PTK2: variants seen among roughly 807,000 people sequenced by gnomAD.
PTK2 encodes the protein focal adhesion kinase 1.
A neutral mutation model predicts 150.1 loss-of-function variants in PTK2; 45 were observed. The observed-to-expected ratio is 0.30, with a 90% CI of 0.24 to 0.38. The LOEUF (loss-of-function observed/expected upper bound fraction) is 0.38. Ranked by LOEUF, PTK2 falls within the 10% of genes least tolerant of loss-of-function variation. The pLI, the probability that PTK2 is intolerant of heterozygous loss-of-function variation, is 1.00. For synonymous variants in PTK2, 432 were observed against 449.2 expected (o/e 0.96, Z 0.48); for missense variants, 919 against 1,307.3 (o/e 0.70, Z 4.58).
At chr8:140,726,267 G>A (rs945197368) in intron 22 of PTK2, among the ~76,000 whole-genome samples, 2 of 152,120 alleles carry the variant, frequency 1.3e-5, no homozygotes, top group African/African-American at 4.8e-5. Flanking sequence ...GACTCAGCCT[G>A]AAGGACACCA....
At chr8:140,782,326 C>A (rs1341552600) in intron 14 of PTK2, among the ~76,000 whole-genome samples, 2 of 150,368 alleles carry the variant, frequency 1.3e-5, no homozygotes, top group Non-Finnish European at 2.9e-5. Context: ...CTCACTGCAA[C>A]CTCCAAATCC....
intron 27 of PTK2, among the ~76,000 whole-genome samples, chr8:140,676,936 T>G (rs1589563193): frequency 1.4e-5 from 1 of 71,612 alleles, no homozygotes. Flanking sequence ...AGAGGGAGAC[T>G]CCATCTCAAA....
intron 14 of PTK2, chr8:140,771,443 A>G (rs1001999150): frequency 6.6e-5 from 10 of 152,244 alleles, no homozygotes; most frequent in African/African-American, 2.4e-4. Flanking sequence ...AGCATATAGC[A>G]AAATGAGAAA....
chr8:140,672,306 G>A, intron 29 of PTK2: 1 of 298,008 alleles, frequency 3.4e-6, no homozygotes, highest in South Asian at 2.7e-5. Flanking sequence ...TGGGACTATA[G>A]TCATAGAGGT....
intron 4 of PTK2, among the ~76,000 whole-genome samples, chr8:140,867,372 C>T (rs1266421501): frequency 2.0e-5 from 3 of 152,088 alleles, no homozygotes; most frequent in African/African-American, 4.8e-5. Context: ...CATAATCTTC[C>T]CTAGATCCCA....
rs1305489078 is a variant in PTK2, at chr8:140,926,462, A to G, written c.-121-713T>C. ...AAAGGGTAAATGAATCACAGTGAGG[A>G]CCAATGGGACAAAGAAAGGAAGAGA... On this transcript the variant is annotated intron_variant, in intron 1 of 31. Transcript: ENST00000522684. Among the ~76,000 whole-genome samples the G allele has an allele frequency of 2.6e-5, 4 of 152,288 alleles. No individual in the cohort carries two copies. The East Asian group carries it at 7.7e-4, about 29-fold the overall frequency.
intron 1 of PTK2, among the ~76,000 whole-genome samples, chr8:140,935,338 G>A (rs1271936230): frequency 1.3e-5 from 2 of 152,116 alleles, no homozygotes; most frequent in African/African-American, 4.8e-5. Flanking sequence ...ACAATTCACT[G>A]AAGGCAAGCA....
chr8:140,907,943 G>A (rs2100161641), intron 2 of PTK2, among the ~76,000 whole-genome samples: 3 of 152,038 alleles, frequency 2.0e-5, no homozygotes, highest in South Asian at 4.1e-4. Context: ...GCCTCTAAGC[G>A]TTCAAGTGAA....
chr8:140,944,557 G>A (rs2100177013), intron 1 of PTK2, among the ~76,000 whole-genome samples: 1 of 152,200 alleles, frequency 6.6e-6, no homozygotes, highest in South Asian at 2.1e-4. Flanking sequence ...CTGAGCTGCT[G>A]TAAAGAATTA....
intron 14 of PTK2, 53 bp downstream of exon 15, chr8:140,770,663 T>C: frequency 6.1e-6 from 6 of 976,284 alleles, no homozygotes; most frequent in Non-Finnish European, 8.3e-6. Flanking sequence ...AGAGTTAGTT[T>C]CTCTGGAGTG....
chr8:140,701,154 C>G (rs1020591699), intron 25 of PTK2, 132 bp from the exon 29 acceptor site: 41 of 1,037,618 alleles, frequency 4.0e-5, no homozygotes, highest in Middle Eastern at 2.2e-4. Context: ...TCATACTGTG[C>G]TTGTGGGAAT....
At chr8:140,831,711 C>T (rs2100115504) in intron 7 of PTK2, among the ~76,000 whole-genome samples, 1 of 152,138 alleles carries the variant, frequency 6.6e-6, no homozygotes, top group African/African-American at 2.4e-5. Context: ...TCTGGTTTTA[C>T]CCATCAGTTA....
chr8:140,957,465 G>A (rs2100181580), intron 1 of PTK2, among the ~76,000 whole-genome samples: 1 of 152,144 alleles, frequency 6.6e-6, no homozygotes, highest in African/African-American at 2.4e-5. Context: ...GTTATAGTAA[G>A]CTACGGTTAT....
intron 3 of PTK2, among the ~76,000 whole-genome samples, chr8:140,889,728 G>C (rs1475878951): frequency 6.6e-6 from 1 of 151,994 alleles, no homozygotes; most frequent in Non-Finnish European, 1.5e-5. Flanking sequence ...TAGGTGGAGA[G>C]GGTAAGAAAG....
At chr8:140,696,831 A>G (rs1239216543) in intron 26 of PTK2, among the ~76,000 whole-genome samples, 1 of 152,172 alleles carries the variant, frequency 6.6e-6, no homozygotes, top group Non-Finnish European at 1.5e-5. Context: ...GGGGAATAGG[A>G]AAGACATGGT....
intron 14 of PTK2, among the ~76,000 whole-genome samples, chr8:140,781,021 T>A (rs181814586): frequency 3.3e-4 from 51 of 152,342 alleles, no homozygotes; most frequent in African/African-American, 1.2e-3. Flanking sequence ...TATTTATTCA[T>A]TTCCATGGTC....
chr8:140,877,050 T>TG, intron 4 of PTK2, among the ~76,000 whole-genome samples: 1 of 82,712 alleles, frequency 1.2e-5, no homozygotes, highest in African/African-American at 4.0e-5. Context: ...TTTTTTTTTT[T>TG]GAGACAGAGT....
chr8:140,794,025 G>A (rs191050043), intron 12 of PTK2, among the ~76,000 whole-genome samples: 1 of 152,218 alleles, frequency 6.6e-6, no homozygotes, highest in Admixed American at 6.5e-5. Context: ...TGAGGGAAAC[G>A]CTTTCTTTCC....
chr8:140,738,981 A>T (rs2100054135), intron 21 of PTK2, 37 bp downstream of exon 24: 1 of 1,379,200 alleles, frequency 7.3e-7, no homozygotes, highest in Admixed American at 2.4e-5. Flanking sequence ...TATGAAATAT[A>T]ATTTTTAAAG....
Sources: gnomAD v4.1 joint callset for allele counts (sites outside exome capture counted in the v4.1 genomes callset) on GRCh38, gnomAD v4.1.1 for gene constraint, MANE v1.5 for transcripts, NCBI Gene and HGNC (gene_info 2026-07-23, HGNC 2026-07-21) for gene names.